CTSH: variants seen among roughly 807,000 people sequenced by gnomAD.
CTSH encodes cathepsin H.
CTSH carries 52 observed loss-of-function variants against 56.3 expected under a neutral mutation model. The observed-to-expected ratio is 0.92, with a 90% confidence interval of 0.74 to 1.16. The LOEUF (loss-of-function observed/expected upper bound fraction) is 1.16, where lower values mean the gene tolerates loss of function less well. Ranked by LOEUF, CTSH falls within the 50% of genes most tolerant of loss-of-function variation. The probability of loss-of-function intolerance (pLI) is 0.00; values close to 1 mark genes in which losing one functional copy is unlikely to be tolerated. For synonymous variants in CTSH, 174 were observed against 155.7 expected (o/e 1.12, Z -0.88); for missense variants, 406 against 424.5 (o/e 0.96, Z 0.38).
chr15:78,928,039 GAA>G (rs763741545), intron 8 of CTSH, among the ~76,000 whole-genome samples: 107 of 152,338 alleles, frequency 7.0e-4, no homozygotes, highest in Admixed American at 5.9e-4. Context: ...CCGGCCTGAG[GAA>G]ACTCACTGAG....
chr15:78,929,475 A>C lies in CTSH; in HGVS notation c.567T>G (p.Ala189=). The C allele has an allele frequency of 6.2e-7, 1 of 1,611,106 alleles. No individual in the cohort carries two copies. The highest frequency in any genetic ancestry group is 8.5e-7 in the Non-Finnish European group (1 of 1,178,476). The change falls in exon 8 of 12, where the codon GCT becomes GCG. Residue 189 remains alanine (A), a synonymous_variant. Transcript: ENST00000220166. The stretch of plus-strand genomic sequence containing the variant: ...CCTTGTTGTACAGGATATACTCGAA[A>C]GCCTGGCTGGGGAGACCCCTGCAAG... The part of the protein sequence containing the change: ...HGCQGGLPSQ[A]FEYILYNKGI...
Position 78,944,935 on chromosome 15 carries a change from C to T in CTSH, c.47G>A (p.Gly16Glu). 6.5e-7 allele frequency: 1 copy of T among 1,548,604 alleles called. No homozygotes were observed. Among genetic ancestry groups the T allele is most frequent in the Non-Finnish European group, 8.7e-7 (1 of 1,146,198 alleles). The change falls in exon 1 of 12, where the codon GGA becomes GAA. Residue 16 changes from glycine (G) to glutamate (E), a missense_variant. Gly to Glu is a moderately conservative substitution (Grantham distance 98). Transcript: ENST00000220166. Reference sequence around the variant, plus strand: ...TTCGGCGGCACCGCAGACGGGGACTCCCAGGAGCCAGGCCCCGGCGCAGAG... The same window carrying T: ...TTCGGCGGCACCGCAGACGGGGACTTCCAGGAGCCAGGCCCCGGCGCAGAG... ...PLLCAGAWLLGVPVCGAAELC... is the reference protein window; with the variant it reads ...PLLCAGAWLLEVPVCGAAELC...
chr15:78,937,602 G>C (rs746948443), intron 2 of CTSH, 179 bp from the exon 3 acceptor site: 10 of 1,408,926 alleles, frequency 7.1e-6, no homozygotes, highest in Non-Finnish European at 9.3e-6. Context: ...AAACAACCCC[G>C]TTTTCAGGGA....
At chr15:78,938,773 T>G (rs1268265404) in intron 2 of CTSH, among the ~76,000 whole-genome samples, 1 of 152,222 alleles carries the variant, frequency 6.6e-6, no homozygotes, top group East Asian at 1.9e-4. Context: ...GGATATATAC[T>G]CAGTAGTAGG....
Position 78,944,913 on chromosome 15 carries a change from G to C in CTSH, c.69C>G (p.Ala23=). The C allele has an allele frequency of 2.6e-6, 4 of 1,548,710 alleles. No homozygotes were observed. Among genetic ancestry groups the C allele is most frequent in the Non-Finnish European group, 3.5e-6 (4 of 1,146,092 alleles). Residue 23 remains alanine (A), a synonymous_variant, in exon 1 of 12, where the codon GCC becomes GCG. Transcript: ENST00000220166. ...WLLGVPVCGA[A]ELCVNSLEKF... is the part of the protein sequence containing the mutation. ...TACCTAAGGAGTTCACGCACAGTTCGGCGGCACCGCAGACGGGGACTCCCA... is the reference window on the plus strand; with the variant it reads ...TACCTAAGGAGTTCACGCACAGTTCCGCGGCACCGCAGACGGGGACTCCCA...
intron 5 of CTSH, among the ~76,000 whole-genome samples, chr15:78,934,210 TG>T (rs2055124663): frequency 4.0e-5 from 6 of 151,030 alleles, no homozygotes; most frequent in Admixed American, 4.0e-4. Context: ...CTGTGCTGCA[TG>T]GATGGCTTTT....
At chr15:78,925,674 C>A in intron 9 of CTSH, 1 of 460,396 alleles carries the variant, frequency 2.2e-6, no homozygotes, top group Non-Finnish European at 4.0e-6. Flanking sequence ...AGATAGGGAC[C>A]ACGGGGTACA....
chr15:78,924,163 T>C (rs987492080), intron 10 of CTSH, among the ~76,000 whole-genome samples: 1 of 77,378 alleles, frequency 1.3e-5, no homozygotes, highest in Non-Finnish European at 2.7e-5. Flanking sequence ...GGAACGCCCA[T>C]GGAACTGCGA....
intron 10 of CTSH, among the ~76,000 whole-genome samples, chr15:78,925,099 C>T (rs1158297066): frequency 4.6e-5 from 7 of 152,174 alleles, no homozygotes; most frequent in Admixed American, 2.0e-4. Context: ...CTGTGTCTGT[C>T]GTATCCCTTC....
At position 78,937,362 on chromosome 15, in the gene CTSH, C is replaced by CAGTT. The variant is rs1184873482; in HGVS notation, c.181_184dup (p.Trp62Ter). Reference sequence around the variant, plus strand: ...ATTGTTGTGGGCGTTTATCTTCCTCCAGTTGCTGGCAAACGTCTGCAGCCT... The same window carrying CAGTT: ...ATTGTTGTGGGCGTTTATCTTCCTCCAGTTAGTTGCTGGCAAACGTCTGCAGCCT... On this transcript the variant is annotated stop_gained and frameshift_variant, in exon 3 of 12. Transcript: ENST00000220166. LOFTEE classifies it high-confidence loss of function. The CAGTT allele has an allele frequency of 6.2e-7, 1 of 1,614,038 alleles. No individual in the cohort carries two copies. Among genetic ancestry groups the CAGTT allele is most frequent in the East Asian group, 2.2e-5 (1 of 44,898 alleles).
At chr15:78,934,848 G>A (rs2055139617) in intron 5 of CTSH, 130 bp downstream of exon 5, 1 of 730,378 alleles carries the variant, frequency 1.4e-6, no homozygotes, top group Non-Finnish European at 2.5e-6. Context: ...GGGCTGGAGA[G>A]ATGCCGAGAG....
Position 78,935,060 on chromosome 15 carries a change from T to G in CTSH, c.323A>C (p.Asn108Thr). 2 of 1,613,926 alleles carry G rather than the reference T, an allele frequency of 1.2e-6. No individual in the cohort carries two copies. Among genetic ancestry groups the G allele is most frequent in the Non-Finnish European group, 1.7e-6 (2 of 1,179,776 alleles). ...EPQNCSATKSNYLRGTGPYPP... is the reference protein window; with the variant it reads ...EPQNCSATKSTYLRGTGPYPP... Reference sequence around the variant, plus strand: ...GTAGGGACCAGTACCTCGAAGGTAGTTACTTTTGGTGGCTGAGCAATTCTG... The same window carrying G: ...GTAGGGACCAGTACCTCGAAGGTAGGTACTTTTGGTGGCTGAGCAATTCTG... Residue 108 changes from asparagine to threonine, a missense_variant, in exon 5 of 12, where the codon AAC becomes ACC. Physicochemically the swap from Asn to Thr is moderately conservative, Grantham distance 65. Transcript: ENST00000220166.
At chr15:78,944,631 G>C (rs2055357344) in intron 1 of CTSH, 1 of 462,288 alleles carries the variant, frequency 2.2e-6, no homozygotes, top group African/African-American at 2.0e-5. Flanking sequence ...GGTATTCTAG[G>C]CTGGAGAGCC....
chr15:78,928,323 TTTGGGAGGCCGAGG>T (rs2054960251), intron 8 of CTSH, among the ~76,000 whole-genome samples: 2 of 149,428 alleles, frequency 1.3e-5, no homozygotes, highest in Non-Finnish European at 3.0e-5. Context: ...ATCACAGCAC[TTTGGGAGGCCGAGG>T]CGGTAGATCA....
At chr15:78,939,793 G>A (rs958014784) in intron 1 of CTSH, among the ~76,000 whole-genome samples, 3 of 152,222 alleles carry the variant, frequency 2.0e-5, no homozygotes, top group African/African-American at 7.2e-5. Flanking sequence ...AGGCTGAGGA[G>A]AATCGCTTGA....
intron 1 of CTSH, among the ~76,000 whole-genome samples, chr15:78,940,396 C>T (rs1287753931): frequency 6.6e-6 from 1 of 151,870 alleles, no homozygotes; most frequent in Non-Finnish European, 1.5e-5. Flanking sequence ...CCAGTCTGGG[C>T]AACAAAGTGA....
intron 9 of CTSH, chr15:78,926,556 A>C (rs2054907355): frequency 1.3e-5 from 2 of 152,380 alleles, no homozygotes; most frequent in African/African-American, 4.8e-5. Flanking sequence ...TTGAGGCCCA[A>C]ATTCACCTGT....
rs760735632 is a variant in CTSH, at chr15:78,921,691, CCT to C, written c.*437_*438del. 1.9e-5 allele frequency: 3 copies of C among 157,688 alleles called. No individual in the cohort carries two copies. Among genetic ancestry groups the C allele is most frequent in the Non-Finnish European group, 4.2e-5 (3 of 71,824 alleles). The allele number at this position is 157,688 out of a possible 1,614,324, so 9.8% of individuals were successfully genotyped here. The stretch of plus-strand genomic sequence containing the variant: ...CCTCCCAGCCAGAGCCTGGACACCC[CCT>C]GATGCCTCCCTCCTGGGAGACTGAG... On this transcript the variant is annotated 3_prime_UTR_variant, in exon 12 of 12. Coordinates refer to ENST00000220166, the MANE Select transcript of CTSH (RefSeq NM_004390.5).
intron 10 of CTSH, among the ~76,000 whole-genome samples, chr15:78,924,286 G>A (rs2054851353): frequency 6.6e-6 from 1 of 152,174 alleles, no homozygotes; most frequent in Non-Finnish European, 1.5e-5. Flanking sequence ...CCCCCTCAGG[G>A]TAGGACCCTG....
Sources: gnomAD v4.1 joint callset for allele counts (sites outside exome capture counted in the v4.1 genomes callset) on GRCh38, gnomAD v4.1.1 for gene constraint, MANE v1.5 for transcripts, NCBI Gene and HGNC (gene_info 2026-07-23, HGNC 2026-07-21) for gene names.